The following PDE4D variants were observed in gnomAD, a reference collection of about 807,000 sequenced individuals.
PDE4D encodes phosphodiesterase 4D.
PDE4D carries 24 observed loss-of-function variants against 87.4 expected under a neutral mutation model. That is an observed-to-expected ratio of 0.27 (90% CI 0.20 to 0.39). PDE4D has a LOEUF of 0.39. Ranked by LOEUF, PDE4D falls within the 10% of genes least tolerant of loss-of-function variation. The pLI, the probability that PDE4D is intolerant of heterozygous loss-of-function variation, is 1.00. For synonymous variants in PDE4D, 384 were observed against 383.2 expected (o/e 1.00, Z -0.02); for missense variants, 714 against 1,041.0 (o/e 0.69, Z 4.32).
chr5:59,513,741 A>G (rs913860900), intron 1 of PDE4D, among the ~76,000 whole-genome samples: 4 of 152,228 alleles, frequency 2.6e-5, no homozygotes, highest in Non-Finnish European at 5.9e-5. Context: ...CCATGAAACA[A>G]TGTGAAAGAA....
intron 1 of PDE4D, among the ~76,000 whole-genome samples, chr5:59,264,545 TA>T (rs1253255019): frequency 1.3e-5 from 2 of 152,026 alleles, no homozygotes; most frequent in Non-Finnish European, 2.9e-5. Context: ...ATTCATATAC[TA>T]GTAGACTCTT....
At chr5:60,317,129 G>T (rs1755688090) in intron 1 of PDE4D, among the ~76,000 whole-genome samples, 1 of 152,026 alleles carries the variant, frequency 6.6e-6, no homozygotes, top group Non-Finnish European at 1.5e-5. Flanking sequence ...GACTTTTTTT[G>T]GTTGATAAGC....
chr5:60,416,866 A>G (rs1742640654), intron 1 of PDE4D, among the ~76,000 whole-genome samples: 1 of 152,216 alleles, frequency 6.6e-6, no homozygotes, highest in South Asian at 2.1e-4. Flanking sequence ...CCCCCAATCC[A>G]CATTGTAATG....
At chr5:59,668,892 A>G (rs1746657112) in intron 1 of PDE4D, among the ~76,000 whole-genome samples, 4 of 78,522 alleles carry the variant, frequency 5.1e-5, no homozygotes, top group Admixed American at 1.4e-4. Context: ...GAAGAAGAAG[A>G]AGAAGAAGAA....
At chr5:60,186,589 A>G (rs1784800885) in intron 1 of PDE4D, among the ~76,000 whole-genome samples, 1 of 152,108 alleles carries the variant, frequency 6.6e-6, no homozygotes, top group African/African-American at 2.4e-5. Flanking sequence ...AGGCTTGGTC[A>G]AACCACAAAA....
At chr5:59,445,293 TACC>T (rs1798187190) in intron 1 of PDE4D, among the ~76,000 whole-genome samples, 1 of 152,344 alleles carries the variant, frequency 6.6e-6, no homozygotes, top group South Asian at 2.1e-4. Context: ...AATCATTCAG[TACC>T]ACATTTTTCA....
At chr5:59,043,996 A>T (rs1310673813) in intron 5 of PDE4D, among the ~76,000 whole-genome samples, 1 of 152,174 alleles carries the variant, frequency 6.6e-6, no homozygotes, top group East Asian at 1.9e-4. Context: ...TGCTATTGTG[A>T]ATAGTGCCAC....
At chr5:59,370,592 A>G (rs1433424008) in intron 1 of PDE4D, among the ~76,000 whole-genome samples, 3 of 152,174 alleles carry the variant, frequency 2.0e-5, no homozygotes, top group African/African-American at 7.2e-5. Flanking sequence ...ACTCTGCACT[A>G]ATTTTTTTCA....
chr5:60,456,949 C>T (rs1482928574), intron 1 of PDE4D, among the ~76,000 whole-genome samples: 1 of 152,176 alleles, frequency 6.6e-6, no homozygotes, highest in Non-Finnish European at 1.5e-5. Flanking sequence ...GGTCAACTAA[C>T]TAAGAGAATA....
intron 1 of PDE4D, among the ~76,000 whole-genome samples, chr5:59,257,079 T>G (rs1482705076): frequency 1.3e-5 from 2 of 152,086 alleles, no homozygotes; most frequent in African/African-American, 4.8e-5. Context: ...GATGTTGAAA[T>G]AATTACAATG....
At chr5:60,001,436 CCAGA>C (rs1459326506) in intron 2 of PDE4D, among the ~76,000 whole-genome samples, 3 of 152,206 alleles carry the variant, frequency 2.0e-5, no homozygotes, top group Non-Finnish European at 4.4e-5. Context: ...AAAGACATTC[CCAGA>C]CAAACAAAAA....
chr5:59,830,512 G>C (rs895476497), intron 1 of PDE4D, among the ~76,000 whole-genome samples: 2 of 152,048 alleles, frequency 1.3e-5, no homozygotes, highest in South Asian at 2.1e-4. Flanking sequence ...TGTAGTCGGA[G>C]ACATTAAGGG....
At chr5:60,300,596 C>T (rs781193331) in intron 1 of PDE4D, among the ~76,000 whole-genome samples, 26 of 151,840 alleles carry the variant, frequency 1.7e-4, no homozygotes, top group Middle Eastern at 3.2e-3. Flanking sequence ...AGGAAGGGGC[C>T]GAATTTCAAT....
chr5:59,256,987 G>T (rs1761098455), intron 1 of PDE4D, among the ~76,000 whole-genome samples: 1 of 151,984 alleles, frequency 6.6e-6, no homozygotes, highest in Non-Finnish European at 1.5e-5. Context: ...CAATGAATGT[G>T]CAGATTATGC....
chr5:60,485,525 T>C (rs1482650259), intron 1 of PDE4D, among the ~76,000 whole-genome samples: 2 of 152,244 alleles, frequency 1.3e-5, no homozygotes, highest in Non-Finnish European at 2.9e-5. Flanking sequence ...TCATGAACAC[T>C]TAGCAAGTTC....
intron 1 of PDE4D, among the ~76,000 whole-genome samples, chr5:60,317,439 C>T (rs1283242149): frequency 2.6e-5 from 4 of 152,140 alleles, no homozygotes; most frequent in Non-Finnish European, 4.4e-5. Flanking sequence ...AAAAAACCAG[C>T]TCTTGGATTC....
intron 1 of PDE4D, among the ~76,000 whole-genome samples, chr5:59,748,640 G>A (rs1174939883): frequency 4.5e-5 from 6 of 132,406 alleles, no homozygotes; most frequent in South Asian, 2.8e-4. Flanking sequence ...ATCACACACC[G>A]GGGCCTATTG....
chr5:59,724,894 T>G (rs546553984), intron 1 of PDE4D, among the ~76,000 whole-genome samples: 1 of 152,280 alleles, frequency 6.6e-6, no homozygotes, highest in South Asian at 2.1e-4. Context: ...CATTTATGAC[T>G]AGAATTTTAA....
intron 1 of PDE4D, chr5:59,430,318 A>G: frequency 8.1e-7 from 1 of 1,231,308 alleles, no homozygotes; most frequent in Non-Finnish European, 1.0e-6. Context: ...CTTAATATCA[A>G]TTGGCATGTT....
Sources: allele counts gnomAD v4.1 joint callset (sites outside exome capture counted in the v4.1 genomes callset), GRCh38; gene constraint gnomAD v4.1.1; transcripts MANE v1.5; gene names NCBI Gene and HGNC (gene_info 2026-07-23, HGNC 2026-07-21).